The following ARHGAP22 variants were observed in gnomAD, a reference collection of about 807,000 sequenced individuals.
The protein encoded by ARHGAP22 is Rho GTPase activating protein 22, also known as rho GTPase-activating protein 22.
ARHGAP22 carries 48 observed loss-of-function variants against 59.1 expected under a neutral mutation model. The observed-to-expected ratio is 0.81, with a 90% CI of 0.64 to 1.03. ARHGAP22 has a LOEUF of 1.03. Among genes scored for constraint, ARHGAP22 ranks in the 50% least tolerant of loss-of-function variants. The pLI is 0.00. For missense variants in ARHGAP22, 1,015 were observed against 958.7 expected (o/e 1.06, Z -0.78); for synonymous variants, 445 against 416.4 (o/e 1.07, Z -0.84).
intron 2 of ARHGAP22, among the ~76,000 whole-genome samples, chr10:48,572,074 C>T (rs1483465733): frequency 6.6e-6 from 1 of 152,176 alleles, no homozygotes; most frequent in Middle Eastern, 3.2e-3. Flanking sequence ...TTGCTACATC[C>T]TTCTTCAGTT....
At chr10:48,562,082 G>A (rs902856127) in intron 2 of ARHGAP22, among the ~76,000 whole-genome samples, 8 of 151,888 alleles carry the variant, frequency 5.3e-5, no homozygotes, top group East Asian at 1.9e-4. Flanking sequence ...AAAAATTTGC[G>A]GGGTGTGTTG....
intron 1 of ARHGAP22, among the ~76,000 whole-genome samples, chr10:48,594,929 T>C (rs1449337882): frequency 2.0e-5 from 3 of 148,432 alleles, no homozygotes; most frequent in Non-Finnish European, 3.0e-5. Flanking sequence ...CGTTAATAGA[T>C]TACTGCATGT....
chr10:48,505,479 G>A (rs958139074), intron 3 of ARHGAP22, among the ~76,000 whole-genome samples: 11 of 151,994 alleles, frequency 7.2e-5, no homozygotes, highest in Non-Finnish European at 1.5e-5. Flanking sequence ...CAGGAGTCCC[G>A]TGCGCCTGAC....
upstream of ARHGAP22, among the ~76,000 whole-genome samples, chr10:48,654,648 A>T (rs546140191): frequency 4.7e-5 from 7 of 149,282 alleles, no homozygotes; most frequent in East Asian, 1.4e-3. Context: ...TAAGGATAAG[A>T]TACATGAGAC....
chr10:48,580,230 T>A (rs877642), intron 2 of ARHGAP22, among the ~76,000 whole-genome samples: 109 of 152,074 alleles, frequency 7.2e-4, no homozygotes, highest in African/African-American at 2.4e-3. Context: ...CTTGTGACTG[T>A]GGATGTCCAT....
intron 9 of ARHGAP22, 36 bp downstream of exon 9, chr10:48,450,224 GC>G: frequency 6.3e-7 from 1 of 1,596,600 alleles, no homozygotes. Context: ...TGCAGGCTCC[GC>G]CCCGTCACAG....
At chr10:48,639,444 T>G (rs1285842255) in intron 1 of ARHGAP22, among the ~76,000 whole-genome samples, 2 of 152,174 alleles carry the variant, frequency 1.3e-5, no homozygotes, top group East Asian at 1.9e-4. Flanking sequence ...AAGGCAGTCT[T>G]GAAAACAACC....
intron 1 of ARHGAP22, among the ~76,000 whole-genome samples, chr10:48,602,943 T>C (rs113085512): frequency 0.023 from 3,451 of 152,310 alleles, 112 homozygotes; most frequent in East Asian, 0.13. Flanking sequence ...TGTATGTTTG[T>C]ATGCATGAAC....
At chr10:48,498,646 C>T (rs1215431179) in intron 3 of ARHGAP22, among the ~76,000 whole-genome samples, 1 of 152,222 alleles carries the variant, frequency 6.6e-6, no homozygotes, top group Admixed American at 6.5e-5. Flanking sequence ...AAGTACAATT[C>T]TAGCTGGCGT....
chr10:48,597,315 G>T (rs967301956), intron 1 of ARHGAP22, among the ~76,000 whole-genome samples: 1 of 152,054 alleles, frequency 6.6e-6, no homozygotes. Context: ...CCCACGGCCT[G>T]TTTCCACACA....
intron 1 of ARHGAP22, among the ~76,000 whole-genome samples, chr10:48,623,210 T>G (rs1185754006): frequency 6.6e-6 from 1 of 152,170 alleles, no homozygotes; most frequent in East Asian, 1.9e-4. Context: ...CCTGCCATGG[T>G]TGAAGGCTGA....
chr10:48,612,708 G>A (rs78214778), intron 1 of ARHGAP22, among the ~76,000 whole-genome samples: 5,100 of 152,264 alleles, frequency 0.033, 141 homozygotes, highest in Non-Finnish European at 0.054. Flanking sequence ...TAGCTGATTT[G>A]GATTTCCTTT....
At chr10:48,582,533 C>T (rs747669414) in intron 2 of ARHGAP22, among the ~76,000 whole-genome samples, 3 of 152,132 alleles carry the variant, frequency 2.0e-5, no homozygotes, top group African/African-American at 2.4e-5. Context: ...AAACCCTATG[C>T]AGGATGGGTG....
At chr10:48,448,097 C>T (rs558051371) in intron 9 of ARHGAP22, among the ~76,000 whole-genome samples, 1 of 152,328 alleles carries the variant, frequency 6.6e-6, no homozygotes, top group Non-Finnish European at 1.5e-5. Context: ...GACCCTCCAG[C>T]GGCTTCTCAC....
chr10:48,618,444 C>A (rs1247507245), intron 1 of ARHGAP22, among the ~76,000 whole-genome samples: 2 of 152,014 alleles, frequency 1.3e-5, no homozygotes, highest in South Asian at 4.2e-4. Flanking sequence ...CAAAAATTCT[C>A]AACAAAATAC....
chr10:48,518,472 G>A (rs1441497672), intron 3 of ARHGAP22, among the ~76,000 whole-genome samples: 2 of 152,180 alleles, frequency 1.3e-5, no homozygotes, highest in Non-Finnish European at 2.9e-5. Flanking sequence ...AAACAACAGG[G>A]GTCAGAAAAG....
chr10:48,636,925 G>A (rs1461428435), intron 1 of ARHGAP22, among the ~76,000 whole-genome samples: 1 of 152,212 alleles, frequency 6.6e-6, no homozygotes, highest in Non-Finnish European at 1.5e-5. Flanking sequence ...TAGTACATTG[G>A]GGTGGGCAGA....
At chr10:48,441,197 T>C (rs1311888669), downstream of ARHGAP22, among the ~76,000 whole-genome samples, 1 of 152,220 alleles carries the variant, frequency 6.6e-6, no homozygotes, top group Non-Finnish European at 1.5e-5. Flanking sequence ...TTTGCTTGTA[T>C]GGCCCTTGCA....
intron 4 of ARHGAP22, among the ~76,000 whole-genome samples, chr10:48,478,605 G>A (rs2048964039): frequency 2.6e-5 from 4 of 152,216 alleles, no homozygotes; most frequent in Admixed American, 2.6e-4. Flanking sequence ...CAGACTCCCA[G>A]TCTCCACATT....
Sources: gnomAD v4.1 joint callset for allele counts (sites outside exome capture counted in the v4.1 genomes callset) on GRCh38, gnomAD v4.1.1 for gene constraint, MANE v1.5 for transcripts, NCBI Gene and HGNC (gene_info 2026-07-23, HGNC 2026-07-21) for gene names.